RBFOX1: variants seen among roughly 807,000 people sequenced by gnomAD.
The protein encoded by RBFOX1 is RNA binding protein fox-1 homolog 1.
In RBFOX1, 8 loss-of-function variants were observed where a neutral mutation model predicts 57.7. That is an observed-to-expected ratio of 0.14 (90% CI 0.08 to 0.25). The LOEUF (loss-of-function observed/expected upper bound fraction) is 0.25, where lower values mean the gene tolerates loss of function less well. RBFOX1 is among the 10% of genes least tolerant of loss of function. The pLI is 1.00. For missense variants in RBFOX1, 611 were observed against 548.5 expected, an observed-to-expected ratio of 1.11 and a Z score of -1.14; for synonymous variants, 326 against 222.4, an observed-to-expected ratio of 1.47 and a Z score of -4.15.
At chr16:7,445,861 T>A (rs116214507) in intron 4 of RBFOX1, among the ~76,000 whole-genome samples, 169 of 152,350 alleles carry the variant, frequency 1.1e-3, no homozygotes, top group African/African-American at 3.9e-3. Flanking sequence ...AGTGGGTTAA[T>A]AAATGTCTGT....
At chr16:6,857,124 G>A (rs755790149) in intron 3 of RBFOX1, among the ~76,000 whole-genome samples, 12 of 152,146 alleles carry the variant, frequency 7.9e-5, no homozygotes, top group East Asian at 1.9e-4. Context: ...ACAAATCTCT[G>A]TAGAGTGATT....
chr16:6,612,525 G>A (rs2098076503), intron 2 of RBFOX1, among the ~76,000 whole-genome samples: 1 of 152,128 alleles, frequency 6.6e-6, no homozygotes, highest in Non-Finnish European at 1.5e-5. Context: ...AGCTTGCCAT[G>A]AGGCTAGAGC....
intron 4 of RBFOX1, among the ~76,000 whole-genome samples, chr16:7,315,266 C>T (rs9935823): frequency 0.022 from 3,411 of 151,962 alleles, 62 homozygotes; most frequent in Non-Finnish European, 0.036. Flanking sequence ...TAGAATGATA[C>T]TTTAAATATT....
At chr16:5,654,468 C>T (rs956757623) in intron 3 of RBFOX1, among the ~76,000 whole-genome samples, 1 of 152,170 alleles carries the variant, frequency 6.6e-6, no homozygotes, top group African/African-American at 2.4e-5. Context: ...TGGGAAGGAA[C>T]GTTCTCACCT....
At chr16:7,247,697 G>T (rs1210225012) in intron 4 of RBFOX1, among the ~76,000 whole-genome samples, 1 of 152,162 alleles carries the variant, frequency 6.6e-6, no homozygotes, top group Non-Finnish European at 1.5e-5. Context: ...AGCTGAAATG[G>T]AATACGGGAA....
chr16:6,934,630 A>C lies in RBFOX1; in HGVS notation c.-15-117427A>C, dbSNP rs556111528. ...GAACTGGAGGTCATTGTGTTGTGAA[A>C]TTACTCAAGCACAGAAAGACAAGTA... On this transcript the variant is annotated intron_variant, in intron 3 of 15. Transcript: ENST00000550418. Among the ~76,000 whole-genome samples the C allele has an allele frequency of 5.3e-5, 8 of 152,334 alleles. No individual in the cohort carries two copies. In the East Asian group the frequency reaches 1.2e-3, roughly 22 times the overall value.
chr16:6,945,754 G>A (rs1328944290), intron 3 of RBFOX1, among the ~76,000 whole-genome samples: 1 of 152,142 alleles, frequency 6.6e-6, no homozygotes, highest in African/African-American at 2.4e-5. Context: ...AGCTGAGGGT[G>A]GTGGCAGGCA....
At chr16:5,623,535 G>C (rs2048259618) in intron 3 of RBFOX1, among the ~76,000 whole-genome samples, 1 of 152,140 alleles carries the variant, frequency 6.6e-6, no homozygotes, top group African/African-American at 2.4e-5. Context: ...CACCCTACAT[G>C]GTACAGGTGC....
At chr16:5,669,507 A>C (rs1447577224) in intron 3 of RBFOX1, among the ~76,000 whole-genome samples, 3 of 143,590 alleles carry the variant, frequency 2.1e-5, no homozygotes, top group Non-Finnish European at 4.5e-5. Context: ...GCAACCTCCA[A>C]CTCCCTGGTT....
chr16:6,042,192 C>T (rs899711932), intron 1 of RBFOX1, among the ~76,000 whole-genome samples: 1 of 151,898 alleles, frequency 6.6e-6, no homozygotes, highest in Non-Finnish European at 1.5e-5. Flanking sequence ...CTTCTGCCTC[C>T]CAAGTTCAAG....
In RBFOX1 at chr16:6,890,666, C is replaced by A. The variant is rs562980412; in HGVS notation, c.-15-161391C>A. 2.6e-5 allele frequency among the ~76,000 whole-genome samples: 4 copies of A among 152,158 alleles called. No homozygotes were observed. In the East Asian group the frequency reaches 7.7e-4, roughly 29 times the overall value. Reference sequence around the variant, plus strand: ...TTCCTTCCTATCTAGGGATTTATCTCCATCTTGTCTGTCCCCAGTTTCCTG... The same window carrying A: ...TTCCTTCCTATCTAGGGATTTATCTACATCTTGTCTGTCCCCAGTTTCCTG... On this transcript the variant is annotated intron_variant, in intron 3 of 15. Coordinates refer to ENST00000550418, the MANE Select transcript of RBFOX1 (RefSeq NM_018723.4).
At chr16:6,291,641 C>T (rs1263315696) in intron 1 of RBFOX1, among the ~76,000 whole-genome samples, 3 of 152,198 alleles carry the variant, frequency 2.0e-5, no homozygotes, top group Non-Finnish European at 4.4e-5. Context: ...CAATGGCATC[C>T]TTTGCCGTAT....
At chr16:7,217,983 TGTGCATGTGTGCAC>T (rs1298094605) in intron 4 of RBFOX1, among the ~76,000 whole-genome samples, 9 of 151,576 alleles carry the variant, frequency 5.9e-5, no homozygotes, top group Non-Finnish European at 1.3e-4. Context: ...CGTGTGTGCA[TGTGCATGTGTGCAC>T]GTGCATGTGT....
intron 3 of RBFOX1, among the ~76,000 whole-genome samples, chr16:6,811,320 C>T (rs914244495): frequency 1.3e-5 from 2 of 152,146 alleles, no homozygotes; most frequent in African/African-American, 4.8e-5. Context: ...GAATTGAACC[C>T]AGTAATACTG....
chr16:5,836,537 A>G (rs1044684467), intron 3 of RBFOX1, among the ~76,000 whole-genome samples: 4 of 152,088 alleles, frequency 2.6e-5, no homozygotes, highest in Non-Finnish European at 2.9e-5. Context: ...TCTGCCCTTC[A>G]CGTCCACTTC....
chr16:6,986,961 G>C (rs2090427420), intron 3 of RBFOX1, among the ~76,000 whole-genome samples: 1 of 152,080 alleles, frequency 6.6e-6, no homozygotes, highest in South Asian at 2.1e-4. Flanking sequence ...CCCTACCCAT[G>C]CTTTCGAATG....
chr16:7,701,129 G>A (rs189126314), intron 14 of RBFOX1, among the ~76,000 whole-genome samples: 1 of 150,540 alleles, frequency 6.6e-6, no homozygotes, highest in Non-Finnish European at 1.5e-5. Flanking sequence ...GCGCTTTAAA[G>A]ACAAGCTAAG....
chr16:6,859,690 T>A (rs1039033003), intron 3 of RBFOX1, among the ~76,000 whole-genome samples: 15 of 152,330 alleles, frequency 9.8e-5, no homozygotes, highest in African/African-American at 3.1e-4. Context: ...TCAAATTTTT[T>A]AATCGACTAC....
At chr16:7,193,493 C>A (rs2085933078) in intron 4 of RBFOX1, among the ~76,000 whole-genome samples, 1 of 152,206 alleles carries the variant, frequency 6.6e-6, no homozygotes. Flanking sequence ...GCAGCAGTAT[C>A]AAGCTAATAC....
Sources: gnomAD v4.1 joint callset for allele counts (sites outside exome capture counted in the v4.1 genomes callset) on GRCh38, gnomAD v4.1.1 for gene constraint, MANE v1.5 for transcripts, NCBI Gene and HGNC (gene_info 2026-07-23, HGNC 2026-07-21) for gene names.